The following KALRN variants were observed in gnomAD, a reference collection of about 807,000 sequenced individuals.
The protein encoded by KALRN is kalirin RhoGEF kinase.
In KALRN, 70 loss-of-function variants were observed where a neutral mutation model predicts 353.7. The ratio of observed to expected loss-of-function variants is 0.20; its 90% CI spans 0.16 to 0.24. The LOEUF is 0.24. Among genes scored for constraint, KALRN ranks in the 10% least tolerant of loss-of-function variants. The pLI is 1.00. For synonymous variants in KALRN, 1,391 were observed against 1,434.8 expected, an observed-to-expected ratio of 0.97 and a Z score of 0.69; for missense variants, 2,791 against 3,756.7, an observed-to-expected ratio of 0.74 and a Z score of 6.72.
intron 34 of KALRN, among the ~76,000 whole-genome samples, chr3:124,573,831 T>C (rs1213945914): frequency 6.6e-6 from 1 of 152,254 alleles, no homozygotes; most frequent in Non-Finnish European, 1.5e-5. Context: ...CATAACTTTC[T>C]TTTGACTTTA....
intron 33 of KALRN, among the ~76,000 whole-genome samples, chr3:124,496,985 G>A (rs1225739301): frequency 6.6e-6 from 1 of 152,190 alleles, no homozygotes; most frequent in Admixed American, 6.5e-5. Context: ...GAGACAGGAG[G>A]ACCAGGAAGT....
At chr3:124,061,729 C>T (rs952897529) in intron 1 of KALRN, among the ~76,000 whole-genome samples, 2 of 152,168 alleles carry the variant, frequency 1.3e-5, no homozygotes, top group African/African-American at 2.4e-5. Flanking sequence ...CAGTAACAGT[C>T]AGGAGCTGAG....
At chr3:124,070,245 G>A (rs1394606126) in intron 1 of KALRN, among the ~76,000 whole-genome samples, 1 of 152,146 alleles carries the variant, frequency 6.6e-6, no homozygotes, top group African/African-American at 2.4e-5. Flanking sequence ...AAGTGGTGAT[G>A]GCTGAAAAAC....
At chr3:124,151,915 T>A in intron 1 of KALRN, 1 of 717,906 alleles carries the variant, frequency 1.4e-6, no homozygotes, top group South Asian at 1.7e-5. Context: ...GAGCAGGTAC[T>A]GTTTATTAAC....
intron 1 of KALRN, among the ~76,000 whole-genome samples, chr3:124,217,633 A>G (rs770073375): frequency 2.6e-5 from 4 of 151,922 alleles, no homozygotes; most frequent in Non-Finnish European, 5.9e-5. Context: ...CATCTCTTTC[A>G]TCTCTGCCTC....
At chr3:124,401,249 A>G (rs967492832) in intron 13 of KALRN, among the ~76,000 whole-genome samples, 2 of 152,234 alleles carry the variant, frequency 1.3e-5, no homozygotes, top group Non-Finnish European at 2.9e-5. Context: ...TCACGCCTAT[A>G]ATCCCAGCAC....
Position 124,283,631 on chromosome 3 carries a change from C to T in KALRN, c.969+14376C>T, listed in dbSNP as rs556846953. ...GCAGGGAATAAAGTGCATCCAGGCT[C>T]ATAGGCTGGAAATAAAATGCAAAAA... On this transcript the variant is annotated intron_variant, in intron 5 of 59. Transcript: ENST00000682506. 2.2e-4 allele frequency among the ~76,000 whole-genome samples: 33 copies of T among 152,186 alleles called. No individual in the cohort carries two copies. The East Asian group carries it at 6.0e-3, about 28-fold the overall frequency.
At chr3:124,697,334 A>G (rs1049748875) in intron 54 of KALRN, among the ~76,000 whole-genome samples, 1 of 152,170 alleles carries the variant, frequency 6.6e-6, no homozygotes, top group Admixed American at 6.5e-5. Context: ...GCCTACCATA[A>G]ACCTACCATC....
chr3:124,596,954 C>T (rs1393427094), intron 34 of KALRN, among the ~76,000 whole-genome samples: 1 of 151,914 alleles, frequency 6.6e-6, no homozygotes, highest in African/African-American at 2.4e-5. Flanking sequence ...GAGACTGAGG[C>T]GTGAGAATCC....
At chr3:124,597,272 C>T (rs1348143352) in intron 34 of KALRN, among the ~76,000 whole-genome samples, 4 of 151,946 alleles carry the variant, frequency 2.6e-5, no homozygotes, top group African/African-American at 9.7e-5. Flanking sequence ...TTCTCTGCCC[C>T]GAGTTGGTCC....
At chr3:124,248,375 G>A (rs1380013809) in intron 3 of KALRN, among the ~76,000 whole-genome samples, 4 of 152,224 alleles carry the variant, frequency 2.6e-5, no homozygotes, top group Admixed American at 1.3e-4. Flanking sequence ...GTGACCACAG[G>A]GGGTTACCCA....
chr3:124,116,687 G>A lies in KALRN; in HGVS notation c.73+82874G>A, dbSNP rs183227597. 3.9e-5 allele frequency among the ~76,000 whole-genome samples: 6 copies of A among 152,224 alleles called. No homozygotes were observed. In the East Asian group the frequency reaches 1.2e-3, roughly 29 times the overall value. Reference sequence around the variant, plus strand: ...CCTAAATATACTATGTTTTTTCCCTGTATGTTCATACCTACAATAAACTGT... The same window carrying A: ...CCTAAATATACTATGTTTTTTCCCTATATGTTCATACCTACAATAAACTGT... On this transcript the variant is annotated intron_variant, in intron 1 of 59. Coordinates refer to ENST00000682506, the MANE Select transcript of KALRN (RefSeq NM_001388419.1).
chr3:124,621,424 C>A (rs961773899), intron 34 of KALRN, among the ~76,000 whole-genome samples: 1 of 152,100 alleles, frequency 6.6e-6, no homozygotes, highest in Non-Finnish European at 1.5e-5. Context: ...AAAAGAGACT[C>A]CTAAACTAGG....
At chr3:124,386,417 G>A (rs969799061) in intron 11 of KALRN, among the ~76,000 whole-genome samples, 2 of 152,158 alleles carry the variant, frequency 1.3e-5, no homozygotes, top group African/African-American at 2.4e-5. Flanking sequence ...TGGCTGCATG[G>A]AGAAGTGGTG....
intron 1 of KALRN, among the ~76,000 whole-genome samples, chr3:124,096,987 G>A (rs2061493829): frequency 6.6e-6 from 1 of 152,196 alleles, no homozygotes; most frequent in African/African-American, 2.4e-5. Context: ...TCTATCTATA[G>A]GGTTTTCCTT....
chr3:124,502,429 AC>A (rs2064701937), intron 33 of KALRN, among the ~76,000 whole-genome samples: 1 of 152,026 alleles, frequency 6.6e-6, no homozygotes, highest in Non-Finnish European at 1.5e-5. Context: ...AAGAGCTGGG[AC>A]ATGGGTGCCC....
chr3:124,491,450 A>C, intron 31 of KALRN, 26 bp downstream of exon 31: 1 of 1,516,500 alleles, frequency 6.6e-7, no homozygotes, highest in Non-Finnish European at 9.0e-7. Flanking sequence ...TGCTAGGCAC[A>C]AACTAGGGTT....
intron 1 of KALRN, among the ~76,000 whole-genome samples, chr3:124,043,920 A>G (rs1186568142): frequency 6.6e-6 from 1 of 152,094 alleles, no homozygotes; most frequent in Admixed American, 6.6e-5. Flanking sequence ...AGGGAAACTC[A>G]GGCAAGATGG....
At chr3:124,477,408 G>T (rs1561071339) in intron 27 of KALRN, 74 bp downstream of exon 27, 12 of 1,087,550 alleles carry the variant, frequency 1.1e-5, no homozygotes, top group African/African-American at 1.6e-5. Context: ...ATAATGGATG[G>T]ATATTTAGCT....
Sources: allele counts gnomAD v4.1 joint callset (sites outside exome capture counted in the v4.1 genomes callset), GRCh38; gene constraint gnomAD v4.1.1; transcripts MANE v1.5; gene names NCBI Gene and HGNC (gene_info 2026-07-23, HGNC 2026-07-21).